PIAS2: variants seen among roughly 807,000 people sequenced by gnomAD.
PIAS2 encodes the protein protein inhibitor of activated STAT 2, also known as E3 SUMO-protein ligase PIAS2.
In PIAS2, 19 loss-of-function variants were observed where a neutral mutation model predicts 69.7. The ratio of observed to expected loss-of-function variants is 0.27; its 90% confidence interval spans 0.19 to 0.40. PIAS2 has a LOEUF of 0.40. Ranked by LOEUF, PIAS2 falls within the 10% of genes least tolerant of loss-of-function variation. PIAS2 has a pLI of 1.00. For missense variants in PIAS2, 624 were observed against 757.0 expected (o/e 0.82, Z 2.06); for synonymous variants, 261 against 263.2 (o/e 0.99, Z 0.08).
At chr18:46,894,482 GCTAA>G (rs1041427728) in intron 1 of PIAS2, among the ~76,000 whole-genome samples, 3 of 152,192 alleles carry the variant, frequency 2.0e-5, no homozygotes, top group Non-Finnish European at 4.4e-5. Flanking sequence ...ACTCCACTGC[GCTAA>G]CTCTCAAAGG....
chr18:46,906,659 G>A (rs929708526), intron 1 of PIAS2, among the ~76,000 whole-genome samples: 1 of 151,050 alleles, frequency 6.6e-6, no homozygotes, highest in African/African-American at 2.4e-5. Flanking sequence ...AAGAAATGGA[G>A]ATTACAATGA....
intron 3 of PIAS2, among the ~76,000 whole-genome samples, chr18:46,861,885 A>G (rs1397577930): frequency 1.3e-5 from 2 of 152,220 alleles, no homozygotes; most frequent in Non-Finnish European, 2.9e-5. Context: ...AAATCTGAAT[A>G]AAGTCTGTAG....
rs181014579 is a variant in PIAS2, at chr18:46,890,763, A to G, written c.316T>C (p.Ser106Pro). 1.2e-6 allele frequency: 2 copies of G among 1,614,212 alleles called. No homozygotes were observed. Among genetic ancestry groups the G allele is most frequent in the Admixed American group, 3.3e-5 (2 of 60,014 alleles). The change falls in exon 2 of 14, where the codon TCC becomes CCC. Residue 106 changes from serine (S) to proline (P), a missense_variant. This residue lies in a region of PIAS2 where 339 missense variants were observed against 408.8 expected (regional missense o/e 0.83). Coordinates refer to ENST00000585916, the MANE Select transcript of PIAS2 (RefSeq NM_004671.5). ...LAVAGIHSLP[S>P]TSVTPHSPSS... The stretch of plus-strand genomic sequence containing the variant: ...GGTGAGTGAGGTGTAACTGAAGTGG[A>G]AGGCAACGAGTGGATTCCAGCCACG...
At position 46,865,944 on chromosome 18, in the gene PIAS2, A is replaced by G. The variant is rs574889217; in HGVS notation, c.500-1696T>C. 8.5e-5 allele frequency among the ~76,000 whole-genome samples: 13 copies of G among 152,302 alleles called. No individual in the cohort carries two copies. In the South Asian group the frequency reaches 2.7e-3, roughly 32 times the overall value. ...TCTTGTTCGGACTCCACTTTTCACT[A>G]TCTGTGGCTAAGGTCACCAATGACC... On this transcript the variant is annotated intron_variant, in intron 2 of 13. Coordinates refer to ENST00000585916, the MANE Select transcript of PIAS2 (RefSeq NM_004671.5).
chr18:46,879,190 A>AG (rs1223595138), intron 2 of PIAS2, among the ~76,000 whole-genome samples: 4 of 152,196 alleles, frequency 2.6e-5, no homozygotes, highest in Non-Finnish European at 5.9e-5. Flanking sequence ...GTAGGGTAGG[A>AG]GCAGGACTTC....
chr18:46,851,039 G>A (rs1274249206), intron 5 of PIAS2, among the ~76,000 whole-genome samples: 1 of 152,184 alleles, frequency 6.6e-6, no homozygotes, highest in Non-Finnish European at 1.5e-5. Context: ...TCTCAGGTAA[G>A]GAGGTGCCTC....
intron 1 of PIAS2, among the ~76,000 whole-genome samples, chr18:46,904,756 A>AC (rs1174952371): frequency 6.7e-6 from 1 of 148,874 alleles, no homozygotes; most frequent in African/African-American, 2.5e-5. Flanking sequence ...ATCCGTCTCA[A>AC]AAAAAAAAAA....
chr18:46,803,773 T>C lies in PIAS2; in HGVS notation c.*8660A>G, dbSNP rs907213509. 6.6e-6 allele frequency: 1 copy of C among 152,094 alleles called. No individual in the cohort carries two copies. The highest frequency in any genetic ancestry group is 2.4e-5 in the African/African-American group (1 of 41,398). 9.4% of individuals were successfully genotyped at this position (152,094 alleles called of 1,614,324 possible). A position where few individuals can be genotyped will look rare whatever the true frequency, so the allele number is the denominator to read the frequency against. ...TCCTCAGTACATAACCTAGAGTAGA[T>C]CATATGAAGAATTTCTCCAGCCTTT... On this transcript the variant is annotated 3_prime_UTR_variant, in exon 14 of 14. Transcript: ENST00000585916.
intron 7 of PIAS2, among the ~76,000 whole-genome samples, chr18:46,844,476 T>C (rs899771687): frequency 6.6e-6 from 1 of 152,112 alleles, no homozygotes; most frequent in African/African-American, 2.4e-5. Context: ...TTATGCACTA[T>C]TGTTTGTTTC....
chr18:46,876,790 G>A (rs941792510), intron 2 of PIAS2, among the ~76,000 whole-genome samples: 17 of 151,298 alleles, frequency 1.1e-4, no homozygotes, highest in Non-Finnish European at 1.9e-4. Flanking sequence ...TCTGCCTCCC[G>A]GGTTCACACC....
At chr18:46,890,135 T>C (rs2053837648) in intron 2 of PIAS2, among the ~76,000 whole-genome samples, 1 of 152,164 alleles carries the variant, frequency 6.6e-6, no homozygotes, top group Non-Finnish European at 1.5e-5. Context: ...CTTGGAATAG[T>C]CAAAATCATA....
At chr18:46,877,018 G>A (rs758866744) in intron 2 of PIAS2, among the ~76,000 whole-genome samples, 18 of 152,072 alleles carry the variant, frequency 1.2e-4, no homozygotes, top group African/African-American at 4.3e-4. Context: ...TAATTTAATG[G>A]AAAAATGGTT....
intron 9 of PIAS2, among the ~76,000 whole-genome samples, chr18:46,832,275 C>T (rs760107061): frequency 1.3e-5 from 2 of 151,888 alleles, no homozygotes; most frequent in Admixed American, 6.6e-5. Context: ...ATTAGCCAGG[C>T]GTGGTGGCGC....
At chr18:46,901,530 C>G (rs2146170626) in intron 1 of PIAS2, among the ~76,000 whole-genome samples, 1 of 152,296 alleles carries the variant, frequency 6.6e-6, no homozygotes, top group Middle Eastern at 3.4e-3. Flanking sequence ...GGTCATTATG[C>G]ACCATGACCA....
intron 12 of PIAS2, among the ~76,000 whole-genome samples, chr18:46,819,008 C>A (rs901193137): frequency 4.6e-5 from 7 of 151,964 alleles, no homozygotes; most frequent in African/African-American, 1.2e-4. Context: ...TGTAAATTTC[C>A]CCCAATTAAA....
At chr18:46,881,720 CTTA>C (rs2052297274) in intron 2 of PIAS2, among the ~76,000 whole-genome samples, 1 of 152,192 alleles carries the variant, frequency 6.6e-6, no homozygotes, top group African/African-American at 2.4e-5. Flanking sequence ...CTACTTGCTA[CTTA>C]TTTCGAATGT....
At chr18:46,818,028 T>C (rs1263037437) in intron 12 of PIAS2, 6 of 990,064 alleles carry the variant, frequency 6.1e-6, no homozygotes, top group Non-Finnish European at 7.2e-6. Flanking sequence ...TGGTTGAAAA[T>C]GCTCAATTAC....
At position 46,890,618 on chromosome 18, in the gene PIAS2, T is replaced by C. The variant is rs754159317; in HGVS notation, c.461A>G (p.Tyr154Cys). Residue 154 changes from tyrosine to cysteine, a missense_variant, in exon 2 of 14, where the codon TAT becomes TGT. Around this residue, in one of 3 missense-constraint regions of PIAS2, gnomAD observed 339 missense variants for 408.8 expected, o/e 0.83. Coordinates refer to ENST00000585916, the MANE Select transcript of PIAS2 (RefSeq NM_004671.5). ...PDVQLKNLPF[Y>C]DVLDVLIKPT... Reference sequence around the variant, plus strand: ...CTTGATGAGAACATCAAGGACATCATAAAAGGGCAGATTTTTTAACTGCAC... The same window carrying C: ...CTTGATGAGAACATCAAGGACATCACAAAAGGGCAGATTTTTTAACTGCAC... The C allele has an allele frequency of 3.7e-6, 6 of 1,613,930 alleles. No homozygotes were observed. The South Asian group carries it at 5.5e-5, about 15-fold the overall frequency.
chr18:46,871,505 G>A (rs1239974260), intron 2 of PIAS2, among the ~76,000 whole-genome samples: 1 of 152,204 alleles, frequency 6.6e-6, no homozygotes, highest in Admixed American at 6.5e-5. Flanking sequence ...AAGAGAGAAT[G>A]TCCTGAATGG....
Sources: gnomAD v4.1 joint callset for allele counts (sites outside exome capture counted in the v4.1 genomes callset) on GRCh38, gnomAD v4.1.1 for gene constraint, gnomAD v4.1.1 regional missense constraint, MANE v1.5 for transcripts, NCBI Gene and HGNC (gene_info 2026-07-23, HGNC 2026-07-21) for gene names.